TCF7L2: variants seen among roughly 807,000 people sequenced by gnomAD.
The protein encoded by TCF7L2 is transcription factor 7 like 2, also known as transcription factor 7-like 2.
Under a neutral mutation model 77.9 loss-of-function variants are expected in TCF7L2, and 23 were observed. That is an observed-to-expected ratio of 0.30 (90% CI 0.21 to 0.42). The LOEUF (loss-of-function observed/expected upper bound fraction) is 0.42. Ranked by LOEUF, TCF7L2 falls within the 10% of genes least tolerant of loss-of-function variation. TCF7L2 has a pLI of 1.00. For missense variants in TCF7L2, 654 were observed against 793.1 expected (o/e 0.82, Z 2.11); for synonymous variants, 413 against 340.2 (o/e 1.21, Z -2.36).
intron 5 of TCF7L2, chr10:113,126,719 G>A: frequency 2.0e-6 from 2 of 985,866 alleles, no homozygotes; most frequent in Non-Finnish European, 2.4e-6. Context: ...GGTGTGTGCT[G>A]CTCCCCTGTG....
At chr10:113,089,335 T>A in intron 5 of TCF7L2, 1 of 1,551,210 alleles carries the variant, frequency 6.4e-7, no homozygotes, top group East Asian at 2.3e-5. Flanking sequence ...GGGCTGTGTG[T>A]GCCTTGGTGA....
At chr10:113,134,505 C>T (rs2067106570) in intron 5 of TCF7L2, among the ~76,000 whole-genome samples, 1 of 151,906 alleles carries the variant, frequency 6.6e-6, no homozygotes, top group South Asian at 2.2e-4. Flanking sequence ...GACTGTTCAC[C>T]ACCCTCACAG....
intron 12 of TCF7L2, chr10:113,159,971 A>G (rs758124138): frequency 6.2e-7 from 1 of 1,613,536 alleles, no homozygotes; most frequent in Admixed American, 1.7e-5. Flanking sequence ...GATCAACAGA[A>G]TAACTGGTGC....
chr10:113,030,747 C>G (rs2050072116), intron 4 of TCF7L2, among the ~76,000 whole-genome samples: 1 of 152,200 alleles, frequency 6.6e-6, no homozygotes, highest in Non-Finnish European at 1.5e-5. Flanking sequence ...AAGGGCTGCT[C>G]CTTTTGAATT....
chr10:112,979,069 C>T (rs2135148570), intron 4 of TCF7L2, among the ~76,000 whole-genome samples: 1 of 152,218 alleles, frequency 6.6e-6, no homozygotes, highest in Non-Finnish European at 1.5e-5. Context: ...GGTGCTAAAG[C>T]CCCCTAGTGA....
rs1449952430 is a variant in TCF7L2 at position 113,034,457 on chromosome 10, G to A, written c.451-5568G>A. Among the ~76,000 whole-genome samples the A allele has an allele frequency of 3.3e-5, 5 of 152,168 alleles. No individual in the cohort carries two copies. In the South Asian group the frequency reaches 1.0e-3, roughly 32 times the overall value. On this transcript the variant is annotated intron_variant, in intron 4 of 13. Coordinates refer to ENST00000627217, the MANE Select transcript of TCF7L2 (RefSeq NM_001146274.2). ...AGGCTTAGTGACTTTGGACATGATG[G>A]GCTATGGCTGGCTATACTCTCAGCT...
chr10:113,074,691 A>G (rs151320828), intron 5 of TCF7L2, among the ~76,000 whole-genome samples: 122 of 152,272 alleles, frequency 8.0e-4, no homozygotes, highest in African/African-American at 2.9e-3. Context: ...ACTGACTACT[A>G]CAGTGATCCA....
chr10:113,077,009 A>G (rs2058762872), intron 5 of TCF7L2, among the ~76,000 whole-genome samples: 1 of 152,168 alleles, frequency 6.6e-6, no homozygotes, highest in Admixed American at 6.5e-5. Flanking sequence ...TGTCTGTATG[A>G]TCCACCTACA....
At chr10:113,058,728 C>T (rs1212400386) in intron 5 of TCF7L2, among the ~76,000 whole-genome samples, 4 of 151,654 alleles carry the variant, frequency 2.6e-5, no homozygotes, top group Non-Finnish European at 4.4e-5. Context: ...GTGCGCTGTA[C>T]GTTAATATGG....
chr10:113,103,577 C>T (rs1027486291), intron 5 of TCF7L2, among the ~76,000 whole-genome samples: 3 of 152,092 alleles, frequency 2.0e-5, no homozygotes, highest in South Asian at 2.1e-4. Context: ...CTGGGACCCT[C>T]GTGTTTTTCA....
chr10:112,965,948 C>T (rs964652121), intron 4 of TCF7L2, among the ~76,000 whole-genome samples: 11 of 151,376 alleles, frequency 7.3e-5, no homozygotes, highest in South Asian at 2.1e-4. Flanking sequence ...CTGAGGCGGG[C>T]GGATCACTTG....
intron 5 of TCF7L2, among the ~76,000 whole-genome samples, chr10:113,115,222 G>GCCA (rs2063572048): frequency 6.6e-6 from 1 of 152,212 alleles, no homozygotes; most frequent in Non-Finnish European, 1.5e-5. Context: ...CATTTAAATA[G>GCCA]TTTTTAATTG....
intron 4 of TCF7L2, among the ~76,000 whole-genome samples, chr10:113,019,918 A>G (rs1474281293): frequency 1.3e-5 from 2 of 151,982 alleles, no homozygotes; most frequent in East Asian, 3.9e-4. Context: ...GGTTTACGTT[A>G]TGTTAAAGGC....
At chr10:113,102,011 C>T (rs1279298757) in intron 5 of TCF7L2, among the ~76,000 whole-genome samples, 15 of 139,350 alleles carry the variant, frequency 1.1e-4, no homozygotes, top group South Asian at 2.5e-4. Context: ...TGGTGGTGTA[C>T]GCCTGTAGTC....
rs981158612 is a variant in TCF7L2, at chr10:113,036,708, G to A, written c.451-3317G>A. Among the ~76,000 whole-genome samples the A allele has an allele frequency of 7.9e-5, 11 of 138,690 alleles. No individual in the cohort carries two copies. The Admixed American group carries it at 8.0e-4, about 10-fold the overall frequency. The allele number at this position is 138,690 out of a possible 152,430, so 91.0% of individuals were successfully genotyped here. On this transcript the variant is annotated intron_variant, in intron 4 of 13. Transcript: ENST00000627217. ...TCTTTCTTTTTTTTTAATGAAAGTT[G>A]AGCAGACTCCCGTCCAACAGTTTTC...
chr10:113,038,939 G>T (rs555554725), intron 4 of TCF7L2, among the ~76,000 whole-genome samples: 1 of 152,262 alleles, frequency 6.6e-6, no homozygotes, highest in African/African-American at 2.4e-5. Context: ...GCTTGAGGAG[G>T]TCTCCGAAAT....
chr10:112,952,704 C>T (rs1474936573), intron 3 of TCF7L2, among the ~76,000 whole-genome samples: 5 of 151,924 alleles, frequency 3.3e-5, no homozygotes, highest in Non-Finnish European at 7.4e-5. Context: ...GGCCGCCGAT[C>T]GCCGGCCACC....
At chr10:113,136,015 G>A (rs1377858134) in intron 5 of TCF7L2, among the ~76,000 whole-genome samples, 6 of 152,230 alleles carry the variant, frequency 3.9e-5, no homozygotes, top group Admixed American at 2.6e-4. Flanking sequence ...GCCAGTTTCT[G>A]CAGACTGGGA....
At chr10:113,132,332 G>A (rs114990035) in intron 5 of TCF7L2, among the ~76,000 whole-genome samples, 346 of 152,214 alleles carry the variant, frequency 2.3e-3, no homozygotes, top group African/African-American at 7.7e-3. Context: ...TTAGGCACAG[G>A]GTATACAAGA....
Sources: allele counts gnomAD v4.1 joint callset (sites outside exome capture counted in the v4.1 genomes callset), GRCh38; gene constraint gnomAD v4.1.1; transcripts MANE v1.5; gene names NCBI Gene and HGNC (gene_info 2026-07-23, HGNC 2026-07-21).